EPHX2: variants seen among roughly 807,000 people sequenced by gnomAD.
The protein encoded by EPHX2 is epoxide hydrolase 2, also known as bifunctional epoxide hydrolase 2.
Under a neutral mutation model 78.7 loss-of-function variants are expected in EPHX2, and 74 were observed. The ratio of observed to expected loss-of-function variants is 0.94; its 90% CI spans 0.78 to 1.14. EPHX2 has a LOEUF of 1.14. Among genes scored for constraint, EPHX2 ranks in the 50% most tolerant of loss-of-function variants. EPHX2 has a pLI of 0.00. For synonymous variants in EPHX2, 251 were observed against 255.2 expected (o/e 0.98, Z 0.16); for missense variants, 715 against 702.5 (o/e 1.02, Z -0.20).
chr8:27,546,129 A>AG (rs1815572513), downstream of EPHX2, among the ~76,000 whole-genome samples: 1 of 104,630 alleles, frequency 9.6e-6, no homozygotes, highest in African/African-American at 3.8e-5. Flanking sequence ...ACTCCGACTC[A>AG]AAAAAAAAAA....
intron 1 of EPHX2, among the ~76,000 whole-genome samples, chr8:27,492,501 C>G (rs1260595566): frequency 1.3e-5 from 2 of 152,146 alleles, no homozygotes; most frequent in African/African-American, 4.8e-5. Flanking sequence ...TTGCTGACTT[C>G]AAGAATGGAG....
chr8:27,499,608 G>A (rs575426281), intron 1 of EPHX2, among the ~76,000 whole-genome samples: 1 of 152,308 alleles, frequency 6.6e-6, no homozygotes, highest in African/African-American at 2.4e-5. Flanking sequence ...TGGCAAGCCA[G>A]TTAAAATTAC....
At chr8:27,505,225 G>C in intron 4 of EPHX2, 79 bp downstream of exon 4, 1 of 1,452,892 alleles carries the variant, frequency 6.9e-7, no homozygotes, top group Non-Finnish European at 9.5e-7. Context: ...GTGAGCAGGT[G>C]GGATGCATCT....
rs752661968 is a variant in EPHX2, at chr8:27,503,753, CAGGAAGAA to C, written c.340_346+1del. 6.2e-7 allele frequency: 1 copy of C among 1,611,648 alleles called. No individual in the cohort carries two copies. Among genetic ancestry groups the C allele is most frequent in the Non-Finnish European group, 8.5e-7 (1 of 1,179,894 alleles). ...CCATGCTCCAGGCAGCTCTCATGCT[CAGGAAGAA>C]AGGTAAGGATCTGATACTGGCCAAT... On this transcript the variant is annotated frameshift_variant and splice_region_variant, in exon 3 of 19. Transcript: ENST00000521400. LOFTEE classifies it high-confidence loss of function.
At chr8:27,516,529 T>A in intron 8 of EPHX2, 131 bp downstream of exon 8, 1 of 816,800 alleles carries the variant, frequency 1.2e-6, no homozygotes, top group Non-Finnish European at 2.0e-6. Flanking sequence ...ACTTCACCTC[T>A]TTCCTCTCCT....
At chr8:27,535,000 T>C (rs1395078469) in intron 12 of EPHX2, among the ~76,000 whole-genome samples, 1 of 151,838 alleles carries the variant, frequency 6.6e-6, no homozygotes, top group Admixed American at 6.6e-5. Context: ...GGCCAGCGAG[T>C]AGGAGGCCCG....
intron 12 of EPHX2, among the ~76,000 whole-genome samples, chr8:27,532,585 C>T (rs988046002): frequency 2.0e-4 from 30 of 152,122 alleles, no homozygotes; most frequent in Admixed American, 2.0e-3. Context: ...AGAGAGAGTC[C>T]ATTTCATGCC....
At chr8:27,525,897 A>G (rs189040748) in intron 12 of EPHX2, among the ~76,000 whole-genome samples, 8 of 152,310 alleles carry the variant, frequency 5.3e-5, no homozygotes, top group African/African-American at 1.9e-4. Flanking sequence ...CACGTGCCAC[A>G]AAGATGCCTT....
chr8:27,541,576 C>T, intron 16 of EPHX2, 34 bp downstream of exon 16: 1 of 1,612,084 alleles, frequency 6.2e-7, no homozygotes, highest in African/African-American at 1.3e-5. Context: ...CTCATCCACA[C>T]CCCAGGACCC....
At position 27,545,239 on chromosome 8, in the gene EPHX2, T is replaced by A. The variant is rs1815549151; in HGVS notation, c.*717T>A. On this transcript the variant is annotated 3_prime_UTR_variant, in exon 19 of 19. Transcript: ENST00000521400. ...CTGAGGAAGAGAATTTTAAATTTCATTGAATTGTAATCAGTTTAAAGTTAA... is the reference window on the plus strand; with the variant it reads ...CTGAGGAAGAGAATTTTAAATTTCAATGAATTGTAATCAGTTTAAAGTTAA... 1 of 152,236 alleles carries A rather than the reference T, an allele frequency of 6.6e-6. No homozygotes were observed. Among genetic ancestry groups the A allele is most frequent in the African/African-American group, 2.4e-5 (1 of 41,426 alleles). 9.4% of individuals were successfully genotyped at this position (152,236 alleles called of 1,614,324 possible).
chr8:27,536,164 T>C (rs1815203984), intron 12 of EPHX2, among the ~76,000 whole-genome samples: 2 of 152,206 alleles, frequency 1.3e-5, no homozygotes, highest in South Asian at 4.1e-4. Context: ...GTGGAAACCT[T>C]GCTGCCCTGT....
chr8:27,519,799 C>G (rs1352092073), intron 9 of EPHX2, among the ~76,000 whole-genome samples: 1 of 152,192 alleles, frequency 6.6e-6, no homozygotes, highest in Non-Finnish European at 1.5e-5. Flanking sequence ...TGAGGGGCTC[C>G]TCTCCAGGAT....
In EPHX2 at chr8:27,538,677, A is replaced by G; in HGVS notation, c.1261A>G (p.Lys421Glu). ...CCTTCAGAGTGTTTTATCCATGCAT[A>G]AAGTCTGTGAAGCGGGTAAGAGACA... ...ASDESVLSMH[K>E]VCEAGGLFVN... The change falls in exon 14 of 19, where the codon AAA becomes GAA. Residue 421 changes from lysine to glutamate, a missense_variant. Physicochemically the swap from Lys to Glu is moderately conservative, Grantham distance 56. Coordinates refer to ENST00000521400, the MANE Select transcript of EPHX2 (RefSeq NM_001979.6). 6.2e-7 allele frequency: 1 copy of G among 1,613,916 alleles called. No homozygotes were observed. Among genetic ancestry groups the G allele is most frequent in the Non-Finnish European group, 8.5e-7 (1 of 1,179,810 alleles).
intron 12 of EPHX2, among the ~76,000 whole-genome samples, chr8:27,531,852 T>C (rs1316289000): frequency 6.6e-6 from 1 of 152,112 alleles, no homozygotes; most frequent in Admixed American, 6.5e-5. Context: ...GAGCTCTCCC[T>C]GTTAGGAGGG....
chr8:27,520,001 C>A (rs1254785761), intron 9 of EPHX2, among the ~76,000 whole-genome samples: 2 of 148,616 alleles, frequency 1.3e-5, no homozygotes, highest in Non-Finnish European at 3.0e-5. Flanking sequence ...CTCCTCTTTT[C>A]TTTTCTTTTT....
chr8:27,517,321 C>T (rs569050484), intron 8 of EPHX2, among the ~76,000 whole-genome samples: 9 of 152,194 alleles, frequency 5.9e-5, no homozygotes, highest in African/African-American at 2.2e-4. Context: ...CCCAAAGTAA[C>T]CTACAGATGC....
At chr8:27,492,602 C>T (rs1157436320) in intron 1 of EPHX2, among the ~76,000 whole-genome samples, 5 of 152,186 alleles carry the variant, frequency 3.3e-5, no homozygotes, top group Non-Finnish European at 7.3e-5. Context: ...ACAGCGAAAG[C>T]ACAAAGCTTC....
chr8:27,501,411 C>CTTCT (rs375093845), intron 2 of EPHX2, among the ~76,000 whole-genome samples: 11,187 of 115,206 alleles, frequency 0.097, 827 homozygotes, highest in African/African-American at 0.16. Context: ...TTTCTTCTTT[C>CTTCT]TTCTTTTTCT....
rs751645394 is a variant in EPHX2, at chr8:27,505,009, G to C, written c.400G>C (p.Asp134His). 5 of 1,614,132 alleles carry C rather than the reference G, an allele frequency of 3.1e-6. No homozygotes were observed. The South Asian group carries it at 5.5e-5, about 18-fold the overall frequency. ...NTWLDDRAER[D>H]GLAQLMCELK... ...CTGGCTGGACGACCGTGCTGAGAGA[G>C]ATGGCCTGGCCCAGCTGATGTGTGA... Residue 134 changes from aspartate to histidine, a missense_variant, in exon 4 of 19, where the codon GAT becomes CAT. Transcript: ENST00000521400.
Sources: allele counts gnomAD v4.1 joint callset (sites outside exome capture counted in the v4.1 genomes callset), GRCh38; gene constraint gnomAD v4.1.1; transcripts MANE v1.5; gene names NCBI Gene and HGNC (gene_info 2026-07-23, HGNC 2026-07-21).